Variants in ATG2B observed in about 807,000 individuals in gnomAD.
ATG2B encodes the protein autophagy-related protein 2 homolog B.
ATG2B carries 121 observed loss-of-function variants against 241.3 expected under a neutral mutation model. The ratio of observed to expected loss-of-function variants is 0.50; its 90% CI spans 0.43 to 0.58. ATG2B has a LOEUF of 0.58. ATG2B is among the 20% of genes least tolerant of loss of function. ATG2B has a pLI of 0.00. For missense variants in ATG2B, 2,306 were observed against 2,491.6 expected, an observed-to-expected ratio of 0.93 and a Z score of 1.59; for synonymous variants, 858 against 876.6, an observed-to-expected ratio of 0.98 and a Z score of 0.37.
Position 96,322,095 on chromosome 14 carries a change from A to C in ATG2B, c.2879+17T>G. On this transcript the variant is annotated intron_variant, in intron 18 of 41. Transcript: ENST00000359933. ...AAATCTGATTCCAAAGATTCAACTA[A>C]ATGTGTATAAACTCACCTATTATAA... is the stretch of plus-strand genomic sequence containing the variant. 6.7e-7 allele frequency: 1 copy of C among 1,491,088 alleles called. No individual in the cohort carries two copies. The highest frequency in any genetic ancestry group is 8.9e-7 in the Non-Finnish European group (1 of 1,121,994). The allele number at this position is 1,491,088 out of a possible 1,614,324, so 92.4% of individuals were successfully genotyped here.
At position 96,285,915 on chromosome 14, in the gene ATG2B, C is replaced by G. The variant is rs1446259624; in HGVS notation, c.6077G>C (p.Gly2026Ala). The change falls in exon 42 of 42, where the codon GGT (glycine) becomes GCT (alanine). Residue 2026 changes from glycine (G) to alanine (A), a missense_variant. By Grantham distance (60) the Gly-to-Ala change is moderately conservative. This residue lies in a region of ATG2B where 379 missense variants were observed against 480.4 expected (regional missense o/e 0.79). Transcript: ENST00000359933. This position sits in a 1 kb window ranked among gnomAD's most constrained non-coding sequence, Gnocchi z 4.2. Reference sequence around the variant, plus strand: ...CTGGCGCAGAACCTCGCCCACGGCACCAGTCACCCCTCTGCTCTCGTGTTC... The same window carrying G: ...CTGGCGCAGAACCTCGCCCACGGCAGCAGTCACCCCTCTGCTCTCGTGTTC... ...AREHESRGVT[G>A]AVGEVLRQIP... The G allele has an allele frequency of 6.2e-7, 1 of 1,613,968 alleles. No individual in the cohort carries two copies. Among genetic ancestry groups the G allele is most frequent in the Non-Finnish European group, 8.5e-7 (1 of 1,180,048 alleles).
intron 34 of ATG2B, among the ~76,000 whole-genome samples, chr14:96,297,293 TA>T (rs142896282): frequency 0.013 from 1,915 of 143,062 alleles, 82 homozygotes; most frequent in Admixed American, 0.097. Flanking sequence ...ATTTCCTCTT[TA>T]AAAAAAAAAA....
At chr14:96,350,095 A>T (rs1192377512) in intron 1 of ATG2B, among the ~76,000 whole-genome samples, 1 of 152,140 alleles carries the variant, frequency 6.6e-6, no homozygotes, top group East Asian at 1.9e-4. Context: ...GGCAGAGGTT[A>T]TAGTGAGCCA....
In ATG2B at chr14:96,304,622, A is replaced by G. The variant is rs1447863165; in HGVS notation, c.4734-19T>C. 1.3e-6 allele frequency: 2 copies of G among 1,544,058 alleles called. No individual in the cohort carries two copies. Among genetic ancestry groups the G allele is most frequent in the Non-Finnish European group, 1.8e-6 (2 of 1,135,032 alleles). ...GGGACTACTAAAAATGAGCAAAAAA[A>G]AAAAAAACCCTTTTGTTAAAGGAAT... On this transcript the variant is annotated intron_variant, in intron 31 of 41. Coordinates refer to ENST00000359933, the MANE Select transcript of ATG2B (RefSeq NM_018036.7).
chr14:96,295,439 C>T (rs915298012), intron 35 of ATG2B, 43 bp downstream of exon 35: 2 of 1,325,102 alleles, frequency 1.5e-6, no homozygotes, highest in East Asian at 2.3e-5. Flanking sequence ...TAAAATCAAT[C>T]CAAGTACTTG....
chr14:96,336,822 C>T (rs1438773869), intron 6 of ATG2B, among the ~76,000 whole-genome samples: 1 of 152,136 alleles, frequency 6.6e-6, no homozygotes, highest in African/African-American at 2.4e-5. Flanking sequence ...TTTTGACTAC[C>T]TGTTCTGCTA....
At chr14:96,322,339 G>T in intron 17 of ATG2B, 85 bp from the exon 18 acceptor site, 1 of 1,449,684 alleles carries the variant, frequency 6.9e-7, no homozygotes, top group Non-Finnish European at 9.3e-7. Context: ...CATAGGACTT[G>T]GTATGTGAGA....
In ATG2B at chr14:96,362,928, G is replaced by C; in HGVS notation, c.49C>G (p.Leu17Val). The C allele has an allele frequency of 6.2e-7, 1 of 1,613,694 alleles. No homozygotes were observed. Among genetic ancestry groups the C allele is most frequent in the African/African-American group, 1.3e-5 (1 of 75,070 alleles). Residue 17 changes from leucine (L) to valine (V), a missense_variant, in exon 1 of 42, where the codon CTC becomes GTC. Coordinates refer to ENST00000359933, the MANE Select transcript of ATG2B (RefSeq NM_018036.7). The part of the protein sequence containing the change: ...ESIKKRACRY[L>V]LQRYLGHFLQ... ...AAGTGGCCCAGGTACCTCTGCAGGA[G>C]GTACCGGCAGGCCCTCTTCTTGATG... is the stretch of plus-strand genomic sequence containing the variant.
rs1886928151 is a variant in ATG2B, at chr14:96,305,771, T to G, written c.4551A>C (p.Ala1517=). ...EPVIKIMVDD[A]IVIRDNYFSL... is the part of the protein sequence containing the mutation. ...TGAAATAATTGTCTCTTATCACAAT[T>G]GCATCATCAACCATGATTTTTATAA... The change falls in exon 31 of 42, where the codon GCA becomes GCC. Residue 1517 remains alanine (A), a synonymous_variant. Transcript: ENST00000359933. The G allele has an allele frequency of 6.2e-7, 1 of 1,614,188 alleles. No individual in the cohort carries two copies. The highest frequency in any genetic ancestry group is 1.3e-5 in the African/African-American group (1 of 75,062).
At chr14:96,291,042 C>A in intron 38 of ATG2B, 107 bp from the exon 39 acceptor site, 1 of 924,670 alleles carries the variant, frequency 1.1e-6, no homozygotes, top group South Asian at 1.9e-5. Context: ...ATTATAAGGG[C>A]AAATATTACA....
Position 96,338,103 on chromosome 14 carries a change from A to C in ATG2B, c.924+3419T>G, listed in dbSNP as rs190482810. Among the ~76,000 whole-genome samples, 80 of 152,238 alleles carry C rather than the reference A, an allele frequency of 5.3e-4. 3 individuals are homozygous for C. The highest frequency in any genetic ancestry group is 4.7e-3 in the Admixed American group (72 of 15,272). The stretch of plus-strand genomic sequence containing the variant: ...TTCTTAGCTTGGTCACTGTTGGTGT[A>C]TAGCACTGCTACTGATTCGTGTACG... On this transcript the variant is annotated intron_variant, in intron 6 of 41. Transcript: ENST00000359933.
At chr14:96,357,510 T>C (rs1392875450) in intron 1 of ATG2B, among the ~76,000 whole-genome samples, 3 of 152,078 alleles carry the variant, frequency 2.0e-5, no homozygotes, top group Non-Finnish European at 2.9e-5. Flanking sequence ...CAAAAATCAA[T>C]ATAGTAAAAC....
At chr14:96,344,149 A>C (rs1235089061) in intron 4 of ATG2B, among the ~76,000 whole-genome samples, 2 of 152,234 alleles carry the variant, frequency 1.3e-5, no homozygotes, top group Non-Finnish European at 2.9e-5. Context: ...AAAAAACTAA[A>C]AGCAACGTAC....
At chr14:96,316,431 T>C (rs956283282) in intron 21 of ATG2B, 102 bp downstream of exon 21, 4 of 1,210,028 alleles carry the variant, frequency 3.3e-6, no homozygotes, top group Non-Finnish European at 4.7e-6. Flanking sequence ...CCACAGAAAA[T>C]AATTTCTAAT....
intron 34 of ATG2B, among the ~76,000 whole-genome samples, chr14:96,299,015 GACTT>G (rs148330018): frequency 0.021 from 3,227 of 152,252 alleles, 114 homozygotes; most frequent in African/African-American, 0.073. Context: ...ACTGCACTAT[GACTT>G]ACAGTGTTAA....
chr14:96,341,988 TAAG>T, intron 5 of ATG2B, among the ~76,000 whole-genome samples: 1 of 152,248 alleles, frequency 6.6e-6, no homozygotes, highest in East Asian at 1.9e-4. Flanking sequence ...ACTGTATAAT[TAAG>T]AAAATCTGAT....
intron 1 of ATG2B, among the ~76,000 whole-genome samples, 180 bp downstream of exon 1, chr14:96,362,635 G>C (rs1221917184): frequency 1.3e-5 from 2 of 152,206 alleles, no homozygotes; most frequent in Non-Finnish European, 2.9e-5. Flanking sequence ...TGATTTAGGA[G>C]AGCAAACTTG....
Position 96,285,590 on chromosome 14 carries a change from A to G in ATG2B, c.*165T>C. 3.1e-6 allele frequency: 2 copies of G among 644,370 alleles called. No individual in the cohort carries two copies. The highest frequency in any genetic ancestry group is 5.4e-6 in the Non-Finnish European group (2 of 372,530). The allele number at this position is 644,370 out of a possible 1,614,324, so 39.9% of individuals were successfully genotyped here. A position where few individuals can be genotyped will look rare whatever the true frequency, so the allele number is the denominator to read the frequency against. On this transcript the variant is annotated 3_prime_UTR_variant, in exon 42 of 42. Transcript: ENST00000359933. The surrounding 1 kb of genome is among the most constrained non-coding windows in gnomAD (Gnocchi z 4.2). ...GCAAGTATCAACTATAAATGTCAGA[A>G]GTTTTTGGTTGCATGTTGTTTTGAT...
At position 96,280,065 on chromosome 14, in the gene ATG2B, C is replaced by T. The variant is rs1335597563; in HGVS notation, c.*5690G>A. 6.6e-6 allele frequency: 1 copy of T among 152,284 alleles called. No homozygotes were observed. Among genetic ancestry groups the T allele is most frequent in the Admixed American group, 6.5e-5 (1 of 15,288 alleles). 9.4% of individuals were successfully genotyped at this position (152,284 alleles called of 1,614,324 possible). A position where few individuals can be genotyped will look rare whatever the true frequency, so the allele number is the denominator to read the frequency against. On this transcript the variant is annotated 3_prime_UTR_variant, in exon 42 of 42. Transcript: ENST00000359933. ...GAAATCTTCCAGGTGGTGCTAACCC[C>T]TACTCACGGGCATGCAGAACTGAAC... is the stretch of plus-strand genomic sequence containing the variant.
Sources: allele counts gnomAD v4.1 joint callset (sites outside exome capture counted in the v4.1 genomes callset), GRCh38; gene constraint gnomAD v4.1.1; regional missense constraint gnomAD v4.1.1; non-coding constraint Gnocchi (gnomAD v3.1); transcripts MANE v1.5; gene names NCBI Gene and HGNC (gene_info 2026-07-23, HGNC 2026-07-21).